The following RUFY1 variants were observed in gnomAD, a reference collection of about 807,000 sequenced individuals.
The protein encoded by RUFY1 is RUN and FYVE domain containing 1.
A neutral mutation model predicts 94.6 loss-of-function variants in RUFY1; 54 were observed. That is an observed-to-expected ratio of 0.57 (90% CI 0.46 to 0.72). The LOEUF (loss-of-function observed/expected upper bound fraction) is 0.72. RUFY1 is among the 30% of genes least tolerant of loss of function. RUFY1 has a pLI of 0.00. For missense variants in RUFY1, 883 were observed against 883.9 expected (o/e 1.00, Z 0.01); for synonymous variants, 396 against 347.3 (o/e 1.14, Z -1.56).
intron 1 of RUFY1, chr5:179,559,820 A>G (rs1762299778): frequency 3.0e-6 from 4 of 1,332,664 alleles, no homozygotes; most frequent in Non-Finnish European, 3.8e-6. Flanking sequence ...TTCTGACCCA[A>G]GGCCCCGCCG....
intron 5 of RUFY1, among the ~76,000 whole-genome samples, chr5:179,571,884 A>T (rs1763249827): frequency 6.6e-6 from 1 of 151,366 alleles, no homozygotes; most frequent in African/African-American, 2.4e-5. Flanking sequence ...TTTATTAAAG[A>T]CTAAGCACAT....
chr5:179,596,658 G>A lies in RUFY1; in HGVS notation c.1608G>A (p.Gln536=), dbSNP rs200915326. 1.9e-5 allele frequency: 31 copies of A among 1,606,312 alleles called. No individual in the cohort carries two copies. The East Asian group carries it at 6.7e-4, about 35-fold the overall frequency. The change falls in exon 13 of 18, where the codon CAG becomes CAA. Residue 536 remains glutamine (Q), a synonymous_variant. Coordinates refer to ENST00000319449, the MANE Select transcript of RUFY1 (RefSeq NM_025158.5). ...GGAGGATCGGCGCCCTGCAGCTGCA[G>A]CTCTCCCAGCTGCACGAGCAATGGT... ...LGGRIGALQL[Q]LSQLHEQCSS... is the part of the protein sequence containing the mutation.
chr5:179,598,633 G>A, intron 13 of RUFY1, 59 bp from the exon 14 acceptor site: 1 of 1,603,834 alleles, frequency 6.2e-7, no homozygotes, highest in Non-Finnish European at 8.5e-7. Context: ...GAATTGGGTT[G>A]TGAATCTTCC....
intron 15 of RUFY1, 36 bp downstream of exon 15, chr5:179,602,022 C>A: frequency 6.6e-7 from 1 of 1,525,830 alleles, no homozygotes; most frequent in Non-Finnish European, 9.1e-7. Flanking sequence ...CCACTGCAGG[C>A]ACACCAGGCT....
chr5:179,583,090 ATCAGGAG>A (rs1194480851), intron 7 of RUFY1, among the ~76,000 whole-genome samples: 2 of 151,830 alleles, frequency 1.3e-5, no homozygotes, highest in Non-Finnish European at 1.5e-5. Context: ...ATTACCTGAG[ATCAGGAG>A]TTCAAGATCA....
chr5:179,561,687 T>C (rs1405040215), intron 2 of RUFY1, among the ~76,000 whole-genome samples: 1 of 80,880 alleles, frequency 1.2e-5, no homozygotes, highest in South Asian at 4.6e-4. Context: ...TCTTTTTTTT[T>C]TTTTTTTTTT....
intron 12 of RUFY1, 92 bp from the exon 13 acceptor site, chr5:179,596,470 T>C (rs1765650156): frequency 6.8e-7 from 1 of 1,471,536 alleles, no homozygotes; most frequent in Non-Finnish European, 9.5e-7. Flanking sequence ...TTTTACTGTA[T>C]GGTAATTTTA....
intron 1 of RUFY1, among the ~76,000 whole-genome samples, chr5:179,555,052 C>T (rs1221176220): frequency 1.3e-5 from 2 of 152,154 alleles, no homozygotes; most frequent in Non-Finnish European, 2.9e-5. Context: ...CCGCACATAG[C>T]ACATGTGCTT....
intron 8 of RUFY1, among the ~76,000 whole-genome samples, chr5:179,587,421 C>G (rs1019319817): frequency 8.0e-5 from 11 of 137,404 alleles, no homozygotes; most frequent in African/African-American, 3.0e-4. Flanking sequence ...TGCTCTGTCT[C>G]CCAGGCTGGA....
intron 1 of RUFY1, among the ~76,000 whole-genome samples, chr5:179,556,791 C>T (rs192932648): frequency 5.3e-5 from 8 of 152,238 alleles, no homozygotes; most frequent in South Asian, 2.1e-4. Context: ...TGAGCCACCA[C>T]GCCCAGCCAA....
rs567289298 is a variant in RUFY1 at position 179,569,902 on chromosome 5, G to A, written c.828+477G>A. Among the ~76,000 whole-genome samples the A allele has an allele frequency of 8.5e-5, 13 of 152,236 alleles. No individual in the cohort carries two copies. The East Asian group carries it at 1.9e-3, about 23-fold the overall frequency. The stretch of plus-strand genomic sequence containing the variant: ...TGGGACCACAGGTGCCCGCCACCAC[G>A]CCCAGCTAATTTTTTGTATTTTTAA... On this transcript the variant is annotated intron_variant, in intron 5 of 17. Coordinates refer to ENST00000319449, the MANE Select transcript of RUFY1 (RefSeq NM_025158.5).
chr5:179,574,980 A>T (rs1763509888), intron 5 of RUFY1, among the ~76,000 whole-genome samples: 1 of 151,854 alleles, frequency 6.6e-6, no homozygotes. Context: ...AAAGTTAGGC[A>T]ATACCAAAGT....
In RUFY1 at chr5:179,577,081, G is replaced by T; in HGVS notation, c.835G>T (p.Val279Leu). ...TGCATTTTATTTCGTTTAGGTTGGA[G>T]TAATAGATTTTTCCCTCTACCTTAA... Reference protein sequence around the residue: ...KGEDLDSQVGVIDFSLYLKDV... With the variant: ...KGEDLDSQVGLIDFSLYLKDV... The change falls in exon 6 of 18, where the codon GTA (valine) becomes TTA (leucine). Residue 279 changes from valine to leucine, a missense_variant. Val to Leu is a conservative substitution (Grantham distance 32). Transcript: ENST00000319449. The T allele has an allele frequency of 6.6e-7, 1 of 1,515,410 alleles. No individual in the cohort carries two copies. 93.9% of individuals were successfully genotyped at this position (1,515,410 alleles called of 1,614,324 possible).
Position 179,609,823 on chromosome 5 carries a change from T to A in RUFY1, c.*304T>A, listed in dbSNP as rs1767549498. 7.0e-6 allele frequency: 2 copies of A among 283,726 alleles called. No individual in the cohort carries two copies. 17.6% of individuals were successfully genotyped at this position (283,726 alleles called of 1,614,324 possible). A position where few individuals can be genotyped will look rare whatever the true frequency, so the allele number is the denominator to read the frequency against. On this transcript the variant is annotated 3_prime_UTR_variant, in exon 18 of 18. Transcript: ENST00000319449. ...ACTTTTCAAAGAATTTAACCTATTT[T>A]ACAGCAGTTCAGTTCTGCTAGTGAG...
chr5:179,561,072 G>A (rs1366309581), intron 2 of RUFY1, among the ~76,000 whole-genome samples: 2 of 152,054 alleles, frequency 1.3e-5, no homozygotes, highest in African/African-American at 4.8e-5. Context: ...TTAGCCGGGC[G>A]TGGTGGCGCA....
chr5:179,570,532 A>G (rs913580095), intron 5 of RUFY1, among the ~76,000 whole-genome samples: 1 of 152,204 alleles, frequency 6.6e-6, no homozygotes, highest in African/African-American at 2.4e-5. Context: ...GACCAGAGCC[A>G]AGGCCTAAAC....
rs1393222536 is a variant in RUFY1, at chr5:179,606,133, C to T, written c.1905+209C>T. ...GTGGCCGAAGCTGAGCCTAGGTCTT[C>T]CGACTCCAGTTCCTCCACCATCAGC... On this transcript the variant is annotated intron_variant, in intron 16 of 17. Coordinates refer to ENST00000319449, the MANE Select transcript of RUFY1 (RefSeq NM_025158.5). 13 of 587,058 alleles carry T rather than the reference C, an allele frequency of 2.2e-5. No homozygotes were observed. In the East Asian group the frequency reaches 3.4e-4, roughly 16 times the overall value. The allele number at this position is 587,058 out of a possible 1,614,324, so 36.4% of individuals were successfully genotyped here.
intron 13 of RUFY1, chr5:179,596,959 T>C: frequency 2.6e-6 from 1 of 391,610 alleles, no homozygotes; most frequent in Non-Finnish European, 4.5e-6. Context: ...TTAACCACCC[T>C]TTCTAAAAAG....
At chr5:179,562,180 G>A (rs1017406995) in intron 2 of RUFY1, among the ~76,000 whole-genome samples, 1 of 151,922 alleles carries the variant, frequency 6.6e-6, no homozygotes, top group South Asian at 2.1e-4. Flanking sequence ...TTGGGAGGCC[G>A]AGGCGGGCAG....
Sources: allele counts gnomAD v4.1 joint callset (sites outside exome capture counted in the v4.1 genomes callset), GRCh38; gene constraint gnomAD v4.1.1; transcripts MANE v1.5; gene names NCBI Gene and HGNC (gene_info 2026-07-23, HGNC 2026-07-21).